FBXL7: variants seen among roughly 807,000 people sequenced by gnomAD.
The protein encoded by FBXL7 is F-box/LRR-repeat protein 7.
A neutral mutation model predicts 38.3 loss-of-function variants in FBXL7; 12 were observed. The observed-to-expected ratio is 0.31, with a 90% CI of 0.20 to 0.51. The LOEUF (loss-of-function observed/expected upper bound fraction) is 0.51. Among genes scored for constraint, FBXL7 ranks in the 20% least tolerant of loss-of-function variants. FBXL7 has a pLI of 0.98. For synonymous variants in FBXL7, 297 were observed against 300.9 expected (o/e 0.99, Z 0.13); for missense variants, 567 against 676.4 (o/e 0.84, Z 1.79).
At chr5:15,755,355 G>C (rs1443989680) in intron 2 of FBXL7, among the ~76,000 whole-genome samples, 1 of 152,074 alleles carries the variant, frequency 6.6e-6, no homozygotes, top group Non-Finnish European at 1.5e-5. Context: ...GAATGAATAG[G>C]CATGAAAGAT....
chr5:15,733,134 C>T (rs180935211), intron 2 of FBXL7, among the ~76,000 whole-genome samples: 2,766 of 152,194 alleles, frequency 0.018, 36 homozygotes, highest in Non-Finnish European at 0.028. Flanking sequence ...CTCACTGTCG[C>T]CCAGGCTGAA....
At chr5:15,590,116 A>G (rs971061625) in intron 1 of FBXL7, among the ~76,000 whole-genome samples, 14 of 152,142 alleles carry the variant, frequency 9.2e-5, no homozygotes, top group African/African-American at 2.2e-4. Flanking sequence ...GGAAGAGGGA[A>G]GTGGGAGAGA....
intron 2 of FBXL7, among the ~76,000 whole-genome samples, chr5:15,848,443 G>A (rs566753537): frequency 2.0e-5 from 3 of 152,192 alleles, no homozygotes; most frequent in Non-Finnish European, 4.4e-5. Flanking sequence ...GTGCAGTGGC[G>A]TGATTTCGGC....
intron 2 of FBXL7, among the ~76,000 whole-genome samples, chr5:15,626,105 CT>C (rs1463180927): frequency 6.6e-6 from 1 of 152,098 alleles, no homozygotes; most frequent in Non-Finnish European, 1.5e-5. Flanking sequence ...ACTTAACTAT[CT>C]TTGGAATTCT....
At chr5:15,878,823 T>C (rs1579559755) in intron 2 of FBXL7, among the ~76,000 whole-genome samples, 1 of 152,284 alleles carries the variant, frequency 6.6e-6, no homozygotes, top group East Asian at 1.9e-4. Context: ...CTAGCCTCCT[T>C]CTCACTTTTC....
chr5:15,806,722 A>G (rs553334277), intron 2 of FBXL7, among the ~76,000 whole-genome samples: 1 of 152,286 alleles, frequency 6.6e-6, no homozygotes, highest in Admixed American at 6.5e-5. Flanking sequence ...TGGCCCAATC[A>G]GGGACTGATG....
chr5:15,505,836 C>G (rs1270227592), intron 1 of FBXL7, among the ~76,000 whole-genome samples: 1 of 152,102 alleles, frequency 6.6e-6, no homozygotes, highest in Non-Finnish European at 1.5e-5. Context: ...TCAAGTGTCC[C>G]CCACATCCGC....
At chr5:15,706,809 G>A (rs953929855) in intron 2 of FBXL7, among the ~76,000 whole-genome samples, 10 of 152,146 alleles carry the variant, frequency 6.6e-5, no homozygotes, top group South Asian at 2.1e-4. Flanking sequence ...GGAAAATGGC[G>A]TTGGGAAGAG....
At chr5:15,582,431 A>G (rs955320278) in intron 1 of FBXL7, among the ~76,000 whole-genome samples, 1 of 152,216 alleles carries the variant, frequency 6.6e-6, no homozygotes, top group Non-Finnish European at 1.5e-5. Flanking sequence ...GAAATCTCCT[A>G]TATGTTCATA....
chr5:15,732,265 T>C (rs1233385644), intron 2 of FBXL7, among the ~76,000 whole-genome samples: 2 of 152,218 alleles, frequency 1.3e-5, no homozygotes, highest in African/African-American at 4.8e-5. Flanking sequence ...AATAATTAAC[T>C]ATTCTTTCAC....
chr5:15,796,219 T>A (rs1040572611), intron 2 of FBXL7, among the ~76,000 whole-genome samples: 1 of 152,162 alleles, frequency 6.6e-6, no homozygotes, highest in Non-Finnish European at 1.5e-5. Context: ...TTCCAATAAA[T>A]AGCCAACAGG....
At chr5:15,606,324 G>A (rs979471338) in intron 1 of FBXL7, among the ~76,000 whole-genome samples, 5 of 152,128 alleles carry the variant, frequency 3.3e-5, no homozygotes, top group African/African-American at 1.2e-4. Context: ...ACATGTATGC[G>A]TGTATGATTA....
intron 2 of FBXL7, among the ~76,000 whole-genome samples, chr5:15,769,737 A>AAG (rs1317789788): frequency 0.071 from 2 of 28 alleles, no homozygotes; most frequent in African/African-American, 0.25. Flanking sequence ...TCTGGACACG[A>AAG]AAAAAAAAAA....
chr5:15,759,123 C>A (rs1421922994), intron 2 of FBXL7, among the ~76,000 whole-genome samples: 6 of 152,156 alleles, frequency 3.9e-5, no homozygotes, highest in Non-Finnish European at 7.4e-5. Flanking sequence ...AAGGTGTCTG[C>A]AAACATGAGG....
chr5:15,500,737 AC>A, intron 1 of FBXL7, 24 bp downstream of exon 1: 2 of 1,600,198 alleles, frequency 1.2e-6, no homozygotes, highest in Admixed American at 1.7e-5. Flanking sequence ...CCGTCCTCAG[AC>A]TCCCGGATCG....
intron 1 of FBXL7, among the ~76,000 whole-genome samples, chr5:15,547,683 G>A (rs1457989723): frequency 6.6e-6 from 1 of 152,132 alleles, no homozygotes; most frequent in African/African-American, 2.4e-5. Context: ...ATACCCCAGG[G>A]TCATTGGGCC....
intron 2 of FBXL7, among the ~76,000 whole-genome samples, chr5:15,752,291 G>T (rs1044174087): frequency 6.7e-6 from 1 of 149,296 alleles, no homozygotes; most frequent in Non-Finnish European, 1.5e-5. Flanking sequence ...AAATAAAATT[G>T]CAGGGAAGGG....
At chr5:15,931,071 C>T (rs1742025434) in intron 3 of FBXL7, among the ~76,000 whole-genome samples, 1 of 152,236 alleles carries the variant, frequency 6.6e-6, no homozygotes, top group African/African-American at 2.4e-5. Context: ...CTATCCCTAG[C>T]ATGCAGAAAA....
At chr5:15,849,600 A>G (rs548195757) in intron 2 of FBXL7, among the ~76,000 whole-genome samples, 1 of 152,312 alleles carries the variant, frequency 6.6e-6, no homozygotes, top group Non-Finnish European at 1.5e-5. Flanking sequence ...ACCTTCTGCC[A>G]TGAGTGTGAG....
Sources: gnomAD v4.1 joint callset for allele counts (sites outside exome capture counted in the v4.1 genomes callset) on GRCh38, gnomAD v4.1.1 for gene constraint, MANE v1.5 for transcripts, NCBI Gene and HGNC (gene_info 2026-07-23, HGNC 2026-07-21) for gene names.